Variants in MORF4L1 observed in about 807,000 individuals in gnomAD.
The protein encoded by MORF4L1 is mortality factor 4-like protein 1.
In MORF4L1, 4 loss-of-function variants were observed where a neutral mutation model predicts 52.9. The ratio of observed to expected loss-of-function variants is 0.08; its 90% CI spans 0.04 to 0.17. The LOEUF (loss-of-function observed/expected upper bound fraction) is 0.17, where lower values mean the gene tolerates loss of function less well. Ranked by LOEUF, MORF4L1 falls within the 10% of genes least tolerant of loss-of-function variation. The probability of loss-of-function intolerance (pLI) is 1.00; values close to 1 mark genes in which losing one functional copy is unlikely to be tolerated. For missense variants in MORF4L1, 214 were observed against 390.4 expected (o/e 0.55, Z 3.81); for synonymous variants, 123 against 134.8 (o/e 0.91, Z 0.61).
chr15:78,884,678 CACACACACAA>C (rs2056667626), intron 3 of MORF4L1, among the ~76,000 whole-genome samples: 1 of 94,314 alleles, frequency 1.1e-5, no homozygotes, highest in Admixed American at 1.2e-4. Flanking sequence ...CACACACACA[CACACACACAA>C]ATATCTCAAA....
chr15:78,876,380 T>C, intron 1 of MORF4L1: 1 of 351,586 alleles, frequency 2.8e-6, no homozygotes, highest in Non-Finnish European at 5.7e-6. Context: ...TGCTTTGCAC[T>C]GGACTTGGTT....
At chr15:78,884,233 G>C (rs950694055) in intron 3 of MORF4L1, among the ~76,000 whole-genome samples, 1 of 149,620 alleles carries the variant, frequency 6.7e-6, no homozygotes, top group Non-Finnish European at 1.5e-5. Context: ...TGAAATTCTT[G>C]CCAGGCGCGA....
chr15:78,891,569 A>T lies in MORF4L1; in HGVS notation c.435A>T (p.Glu145Asp). ...GGGCCCGGGTAGATCCTACTGTTGA[A>T]AATGTGAGTTTTTCTTGTGTTTATG... ...KKRARVDPTVENEETFMNRVE... is the reference protein window; with the variant it reads ...KKRARVDPTVDNEETFMNRVE... The change falls in exon 7 of 12, where the codon GAA becomes GAT. Residue 145 changes from glutamate to aspartate, a missense_variant. By Grantham distance (45) the Glu-to-Asp change is conservative (BLOSUM62 2). Coordinates refer to ENST00000426013, the MANE Select transcript of MORF4L1 (RefSeq NM_006791.4). The T allele has an allele frequency of 6.2e-7, 1 of 1,611,056 alleles. No homozygotes were observed.
At chr15:78,896,346 C>T (rs2056889757) in intron 11 of MORF4L1, among the ~76,000 whole-genome samples, 1 of 124,330 alleles carries the variant, frequency 8.0e-6, no homozygotes, top group Non-Finnish European at 1.6e-5. Context: ...TGGAGTTTCA[C>T]GCTTGTCCAT....
rs114447431 is a variant in MORF4L1, at chr15:78,887,726, T to C, written c.323+377T>C. 9.8e-3 allele frequency among the ~76,000 whole-genome samples: 1,489 copies of C among 152,310 alleles called. 23 individuals are homozygous for C. Among genetic ancestry groups the C allele is most frequent in the African/African-American group, 0.034 (1,421 of 41,556 alleles). ...TTTGGTGAAACTCATGGTAAGAATA[T>C]GTGAGAAGTTAAGGTTTCAAATAAC... On this transcript the variant is annotated intron_variant, in intron 5 of 11. Coordinates refer to ENST00000426013, the MANE Select transcript of MORF4L1 (RefSeq NM_006791.4).
intron 11 of MORF4L1, among the ~76,000 whole-genome samples, chr15:78,896,308 C>CTTTTTTTTTT (rs71148578): frequency 2.7e-3 from 222 of 81,394 alleles, no homozygotes; most frequent in Middle Eastern, 9.1e-3. Context: ...CTTTTCTTTT[C>CTTTTTTTTTT]TTTTTTTTTT....
intron 2 of MORF4L1, among the ~76,000 whole-genome samples, chr15:78,878,539 C>G (rs2056538622): frequency 6.6e-6 from 1 of 152,134 alleles, no homozygotes; most frequent in Non-Finnish European, 1.5e-5. Context: ...GAACAAAGAG[C>G]ATTTTGTGGT....
intron 3 of MORF4L1, among the ~76,000 whole-genome samples, chr15:78,883,972 G>A (rs950629029): frequency 2.7e-5 from 4 of 147,356 alleles, no homozygotes; most frequent in African/African-American, 1.0e-4. Context: ...TTGGGAGGCC[G>A]AGGCGGGCAG....
chr15:78,895,809 A>G (rs553940405), intron 11 of MORF4L1, among the ~76,000 whole-genome samples: 9 of 152,210 alleles, frequency 5.9e-5, no homozygotes, highest in Non-Finnish European at 1.0e-4. Context: ...GAATTTTCTC[A>G]TTACAATCGT....
chr15:78,891,191 A>G (rs1303626020), intron 6 of MORF4L1, 177 bp downstream of exon 6: 1 of 808,310 alleles, frequency 1.2e-6, no homozygotes, highest in African/African-American at 1.8e-5. Flanking sequence ...TTTGCCAAGG[A>G]GAAACTTGTG....
At chr15:78,875,537 G>T (rs1312712803) in intron 1 of MORF4L1, among the ~76,000 whole-genome samples, 2 of 152,182 alleles carry the variant, frequency 1.3e-5, no homozygotes, top group East Asian at 3.9e-4. Context: ...GGGAGGCCGA[G>T]GTGGGTGGGG....
At chr15:78,882,688 A>T (rs1231329331) in intron 3 of MORF4L1, among the ~76,000 whole-genome samples, 1 of 152,216 alleles carries the variant, frequency 6.6e-6, no homozygotes, top group African/African-American at 2.4e-5. Context: ...TTTTATGCAT[A>T]CTATGAGTGG....
Position 78,884,891 on chromosome 15 carries a change from A to T in MORF4L1, c.156-1250A>T, listed in dbSNP as rs556551173. 254 of 990,410 alleles carry T rather than the reference A, an allele frequency of 2.6e-4. 2 individuals carry two copies. In the South Asian group the frequency reaches 4.7e-3, roughly 18 times the overall value. 61.4% of individuals were successfully genotyped at this position (990,410 alleles called of 1,614,324 possible). ...ACACACTTAAATACTCCATTTGTAA[A>T]TGAATCTTAATAAAGCTGAGGCTCA... On this transcript the variant is annotated intron_variant, in intron 3 of 11. Transcript: ENST00000426013.
At chr15:78,880,127 G>A (rs777351989) in intron 2 of MORF4L1, among the ~76,000 whole-genome samples, 19 of 152,182 alleles carry the variant, frequency 1.2e-4, no homozygotes, top group Admixed American at 3.9e-4. Flanking sequence ...TCCATTTACT[G>A]CCTTTCATAA....
chr15:78,893,449 G>A (rs989428934), intron 8 of MORF4L1, 90 bp from the exon 9 acceptor site: 23 of 834,922 alleles, frequency 2.8e-5, no homozygotes, highest in Non-Finnish European at 4.7e-5. Flanking sequence ...TACTGTTACT[G>A]TTACCTGATC....
intron 11 of MORF4L1, 95 bp from the exon 12 acceptor site, chr15:78,896,888 G>T: frequency 1.1e-6 from 1 of 874,082 alleles, no homozygotes; most frequent in Non-Finnish European, 1.8e-6. Flanking sequence ...TTTTAGGAAA[G>T]TGTTTTCTGT....
rs141995481 is a variant in MORF4L1 at position 78,895,302 on chromosome 15, TACAC to T, written c.887+402_887+405del. ...TATGATAAATGGTTGGTACCTTTAA[TACAC>T]ACAGAGTTCTTCGGTAAGAAATGAA... On this transcript the variant is annotated intron_variant, in intron 11 of 11. Coordinates refer to ENST00000426013, the MANE Select transcript of MORF4L1 (RefSeq NM_006791.4). Among the ~76,000 whole-genome samples the T allele has an allele frequency of 0.038, 5,648 of 149,074 alleles. 553 individuals carry two copies. In the East Asian group the frequency reaches 0.4, roughly 11 times the overall value.
intron 5 of MORF4L1, among the ~76,000 whole-genome samples, chr15:78,889,193 T>G (rs2141477799): frequency 6.6e-6 from 1 of 152,334 alleles, no homozygotes; most frequent in South Asian, 2.1e-4. Flanking sequence ...TAGAAGCCTC[T>G]TCAAACTGGC....
chr15:78,886,234 T>C lies in MORF4L1; in HGVS notation c.242+7T>C. 6.2e-7 allele frequency: 1 copy of C among 1,608,320 alleles called. No homozygotes were observed. Among genetic ancestry groups the C allele is most frequent in the Non-Finnish European group, 8.5e-7 (1 of 1,174,698 alleles). Reference sequence around the variant, plus strand: ...AACTTCAAAAAGCCAATCAGTAAGTTTGTTTTGTGAACTGAATATTAAGGA... The same window carrying C: ...AACTTCAAAAAGCCAATCAGTAAGTCTGTTTTGTGAACTGAATATTAAGGA... On this transcript the variant is annotated splice_region_variant and intron_variant, in intron 4 of 11. Transcript: ENST00000426013.
Sources: gnomAD v4.1 joint callset for allele counts (sites outside exome capture counted in the v4.1 genomes callset) on GRCh38, gnomAD v4.1.1 for gene constraint, MANE v1.5 for transcripts, NCBI Gene and HGNC (gene_info 2026-07-23, HGNC 2026-07-21) for gene names.